DTNB: variants seen among roughly 807,000 people sequenced by gnomAD.
The protein encoded by DTNB is dystrobrevin beta, also known as DTN-B.
A neutral mutation model predicts 90.7 loss-of-function variants in DTNB; 63 were observed. The observed-to-expected ratio is 0.69, with a 90% CI of 0.57 to 0.86. The LOEUF is 0.86. DTNB is among the 40% of genes least tolerant of loss of function. The pLI, the probability that DTNB is intolerant of heterozygous loss-of-function variation, is 0.00. For missense variants in DTNB, 744 were observed against 807.1 expected (o/e 0.92, Z 0.95); for synonymous variants, 277 against 286.7 (o/e 0.97, Z 0.34).
At chr2:25,592,917 C>A (rs2063827179) in intron 6 of DTNB, among the ~76,000 whole-genome samples, 1 of 152,190 alleles carries the variant, frequency 6.6e-6, no homozygotes, top group Admixed American at 6.5e-5. Flanking sequence ...GCCTTCAATC[C>A]TGAGCCACTG....
intron 8 of DTNB, among the ~76,000 whole-genome samples, chr2:25,548,475 C>A (rs1227565006): frequency 6.6e-6 from 1 of 150,704 alleles, no homozygotes; most frequent in African/African-American, 2.4e-5. Flanking sequence ...AGGGAGGCTT[C>A]TTCCTAAGAA....
chr2:25,538,461 C>CT (rs1161087970), intron 8 of DTNB, among the ~76,000 whole-genome samples: 3 of 151,874 alleles, frequency 2.0e-5, no homozygotes, highest in South Asian at 2.1e-4. Flanking sequence ...GTACAGTTTT[C>CT]TTTTTTTTAG....
intron 10 of DTNB, among the ~76,000 whole-genome samples, chr2:25,456,860 G>A (rs7589840): frequency 0.037 from 5,595 of 152,050 alleles, 372 homozygotes; most frequent in African/African-American, 0.13. Context: ...GAGCCACTGC[G>A]CCCGGCCCCA....
At chr2:25,548,208 G>T (rs545127862) in intron 8 of DTNB, among the ~76,000 whole-genome samples, 2 of 151,910 alleles carry the variant, frequency 1.3e-5, no homozygotes, top group South Asian at 2.1e-4. Context: ...TGAAATCTAG[G>T]TTCCTCTATT....
chr2:25,664,831 A>C lies in DTNB; in HGVS notation c.-2+8555T>G, dbSNP rs767579144. On this transcript the variant is annotated intron_variant, in intron 1 of 20. Coordinates refer to ENST00000406818, the MANE Select transcript of DTNB (RefSeq NM_021907.5). ...AAGCTAGGAATCTGCGGAGTTGACC[A>C]TGACGATGCTAAAGCGCTAGAGCCC... 3.0e-4 allele frequency among the ~76,000 whole-genome samples: 46 copies of C among 152,208 alleles called. 1 individual carries two copies. Among genetic ancestry groups the C allele is most frequent in the Non-Finnish European group, 1.9e-4 (13 of 68,032 alleles).
rs551599898 is a variant in DTNB, at chr2:25,387,882, T to C, written c.1735+320A>G. Among the ~76,000 whole-genome samples the C allele has an allele frequency of 6.6e-6, 1 of 152,388 alleles. No individual in the cohort carries two copies. The highest frequency in any genetic ancestry group is 1.5e-5 in the Non-Finnish European group (1 of 68,032). ...TTACAGTGCCTGTTACAGTCCCTTCTAGGCCAGGGAATTATTCCATCCAAT... is the reference window on the plus strand; with the variant it reads ...TTACAGTGCCTGTTACAGTCCCTTCCAGGCCAGGGAATTATTCCATCCAAT... On this transcript the variant is annotated intron_variant, in intron 17 of 20. Transcript: ENST00000406818. The surrounding 1 kb of genome is among the most constrained non-coding windows in gnomAD (Gnocchi z 4.5).
chr2:25,453,396 A>G (rs554943999), intron 11 of DTNB, among the ~76,000 whole-genome samples: 1 of 152,356 alleles, frequency 6.6e-6, no homozygotes, highest in African/African-American at 2.4e-5. Context: ...TTAGTTAGCC[A>G]GAAAAGTTCT....
chr2:25,496,467 A>C (rs1423438025), intron 9 of DTNB, among the ~76,000 whole-genome samples: 2 of 152,188 alleles, frequency 1.3e-5, no homozygotes, highest in African/African-American at 4.8e-5. Flanking sequence ...ATGGTCATCA[A>C]CTGAAATCTG....
chr2:25,631,568 G>C (rs1244878368), intron 3 of DTNB, among the ~76,000 whole-genome samples: 22 of 148,524 alleles, frequency 1.5e-4, no homozygotes, highest in Non-Finnish European at 4.4e-5. Context: ...GTGAGACCCT[G>C]TGGTCAAAAA....
At chr2:25,560,237 C>T (rs1425934511) in intron 8 of DTNB, among the ~76,000 whole-genome samples, 1 of 152,082 alleles carries the variant, frequency 6.6e-6, no homozygotes, top group African/African-American at 2.4e-5. Flanking sequence ...AGTGAGACTC[C>T]GTCTCAAAGA....
intron 4 of DTNB, among the ~76,000 whole-genome samples, chr2:25,612,741 A>G (rs2068973932): frequency 6.6e-6 from 1 of 151,424 alleles, no homozygotes; most frequent in South Asian, 2.1e-4. Context: ...ATATCACCAC[A>G]GGTTCTACAG....
chr2:25,673,372 C>G lies in DTNB; in HGVS notation c.-2+14G>C, dbSNP rs1240763019. 1 of 151,186 alleles carries G rather than the reference C, an allele frequency of 6.6e-6. No homozygotes were observed. The highest frequency in any genetic ancestry group is 1.5e-5 in the Non-Finnish European group (1 of 67,772). The allele number at this position is 151,186 out of a possible 1,614,324, so 9.4% of individuals were successfully genotyped here. A position where few individuals can be genotyped will look rare whatever the true frequency, so the allele number is the denominator to read the frequency against. ...CGTCTCCCCACAGCCCCGGCGGCGG[C>G]CGCAGACCCCCACCTTGCTCACTTC... On this transcript the variant is annotated intron_variant, in intron 1 of 20. Coordinates refer to ENST00000406818, the MANE Select transcript of DTNB (RefSeq NM_021907.5).
intron 8 of DTNB, among the ~76,000 whole-genome samples, chr2:25,566,086 G>A (rs892545871): frequency 1.3e-5 from 2 of 152,142 alleles, no homozygotes; most frequent in East Asian, 1.9e-4. Flanking sequence ...CATGAACCCC[G>A]TAAAAGCCAT....
rs375036678 is a variant in DTNB at position 25,564,528 on chromosome 2, G to A, written c.876+12310C>T. Among the ~76,000 whole-genome samples the A allele has an allele frequency of 8.6e-5, 13 of 150,812 alleles. No individual in the cohort carries two copies. The East Asian group carries it at 1.4e-3, about 16-fold the overall frequency. On this transcript the variant is annotated intron_variant, in intron 8 of 20. Transcript: ENST00000406818. ...CCCAAGTAGCTGGGACTACAGGCAC[G>A]CGCCACCACACCTGGCTAATTTTTT...
At chr2:25,378,312 G>A (rs2036445456) in intron 20 of DTNB, among the ~76,000 whole-genome samples, 1 of 152,204 alleles carries the variant, frequency 6.6e-6, no homozygotes, top group Non-Finnish European at 1.5e-5. Flanking sequence ...GATTTCCAGG[G>A]CAGCGAGAGA....
intron 20 of DTNB, among the ~76,000 whole-genome samples, chr2:25,378,979 C>A (rs1376485952): frequency 6.6e-6 from 1 of 152,172 alleles, no homozygotes; most frequent in Non-Finnish European, 1.5e-5. Flanking sequence ...AGGGAGGTGG[C>A]CTTGCTCAGC....
chr2:25,610,812 T>C (rs1052432086), intron 4 of DTNB, among the ~76,000 whole-genome samples: 1 of 152,056 alleles, frequency 6.6e-6, no homozygotes, highest in Non-Finnish European at 1.5e-5. Flanking sequence ...TGGGTTCAAG[T>C]GATTCTCGTG....
chr2:25,391,911 G>A (rs745525168), intron 16 of DTNB, among the ~76,000 whole-genome samples: 3 of 152,064 alleles, frequency 2.0e-5, no homozygotes, highest in Non-Finnish European at 2.9e-5. Context: ...TTTGGGATAC[G>A]GAAAAAGTGA....
chr2:25,585,471 GACA>G (rs1401899154), intron 6 of DTNB, among the ~76,000 whole-genome samples: 2 of 152,080 alleles, frequency 1.3e-5, no homozygotes, highest in Admixed American at 6.6e-5. Flanking sequence ...AATCTAGACT[GACA>G]ACTATTACCC....
Sources: allele counts gnomAD v4.1 joint callset (sites outside exome capture counted in the v4.1 genomes callset), GRCh38; gene constraint gnomAD v4.1.1; non-coding constraint Gnocchi (gnomAD v3.1); transcripts MANE v1.5; gene names NCBI Gene and HGNC (gene_info 2026-07-23, HGNC 2026-07-21).